The following SLIT3 variants were observed in gnomAD, a reference collection of about 807,000 sequenced individuals.
SLIT3 encodes slit homolog 3 protein.
In SLIT3, 68 loss-of-function variants were observed where a neutral mutation model predicts 184.0. That is an observed-to-expected ratio of 0.37 (90% CI 0.30 to 0.45). The LOEUF is 0.45. Among genes scored for constraint, SLIT3 ranks in the 20% least tolerant of loss-of-function variants. The probability of loss-of-function intolerance (pLI) is 1.00; values close to 1 mark genes in which losing one functional copy is unlikely to be tolerated. For missense variants in SLIT3, 1,707 were observed against 2,026.0 expected (o/e 0.84, Z 3.02); for synonymous variants, 831 against 828.6 (o/e 1.00, Z -0.05).
At chr5:168,744,767 T>G (rs1379765782) in intron 20 of SLIT3, among the ~76,000 whole-genome samples, 1 of 152,244 alleles carries the variant, frequency 6.6e-6, no homozygotes, top group Non-Finnish European at 1.5e-5. Context: ...AAAGATTTCT[T>G]TCAAAATATT....
intron 4 of SLIT3, among the ~76,000 whole-genome samples, chr5:169,021,753 A>G (rs58877131): frequency 0.16 from 24,189 of 152,224 alleles, 2,331 homozygotes; most frequent in East Asian, 0.5. Context: ...CTTTGCCTTA[A>G]GGACCAATTG....
chr5:169,082,727 T>C (rs7735612), intron 4 of SLIT3, among the ~76,000 whole-genome samples: 50,471 of 152,108 alleles, frequency 0.33, 9,206 homozygotes, highest in South Asian at 0.49. Flanking sequence ...AGTAGAAAAA[T>C]AGTAGATGAA....
intron 4 of SLIT3, among the ~76,000 whole-genome samples, chr5:168,942,161 A>C (rs2113209458): frequency 6.6e-6 from 1 of 152,336 alleles, no homozygotes; most frequent in East Asian, 1.9e-4. Flanking sequence ...GGCCAATGAG[A>C]ATAAGCTCCA....
intron 8 of SLIT3, among the ~76,000 whole-genome samples, chr5:168,812,277 G>A (rs929103819): frequency 6.6e-6 from 1 of 152,182 alleles, no homozygotes; most frequent in East Asian, 1.9e-4. Context: ...GTGAGTTGTG[G>A]TGTTCTAGTG....
chr5:169,007,856 C>T (rs895713293), intron 4 of SLIT3, among the ~76,000 whole-genome samples: 3 of 152,200 alleles, frequency 2.0e-5, no homozygotes, highest in Non-Finnish European at 4.4e-5. Flanking sequence ...AAAAAGTTAT[C>T]GCTAGATATT....
chr5:169,112,107 T>C (rs182411095), intron 4 of SLIT3, among the ~76,000 whole-genome samples: 10 of 152,336 alleles, frequency 6.6e-5, no homozygotes, highest in African/African-American at 2.4e-4. Flanking sequence ...ACGAACAGTA[T>C]TTTTGTGTCC....
chr5:169,037,782 C>T (rs1757307693), intron 4 of SLIT3: 1 of 152,254 alleles, frequency 6.6e-6, no homozygotes, highest in Admixed American at 6.5e-5. Context: ...CAAAACAAGT[C>T]CACCTGCTTA....
intron 6 of SLIT3, among the ~76,000 whole-genome samples, chr5:168,830,667 A>C (rs542352978): frequency 1.3e-5 from 2 of 152,204 alleles, no homozygotes; most frequent in Non-Finnish European, 2.9e-5. Flanking sequence ...TAATTCTCCC[A>C]ACACTCCTGA....
intron 15 of SLIT3, among the ~76,000 whole-genome samples, chr5:168,761,930 T>C (rs1755165726): frequency 6.7e-6 from 1 of 149,024 alleles, no homozygotes; most frequent in Admixed American, 6.7e-5. Flanking sequence ...AATTTTTTTT[T>C]TTTTTTTGTA....
chr5:168,752,871 C>G (rs1025042892), intron 18 of SLIT3, 84 bp downstream of exon 18: 37 of 1,362,486 alleles, frequency 2.7e-5, no homozygotes, highest in Non-Finnish European at 3.5e-5. Flanking sequence ...ATGAGCCTGG[C>G]TAGAGGTAGC....
chr5:168,945,766 CAT>C (rs1471582482), intron 4 of SLIT3, among the ~76,000 whole-genome samples: 6 of 152,208 alleles, frequency 3.9e-5, no homozygotes, highest in African/African-American at 1.4e-4. Flanking sequence ...AAAACGCATG[CAT>C]ATGTGGCTCT....
chr5:168,686,738 C>T (rs73322427), intron 30 of SLIT3, among the ~76,000 whole-genome samples: 6,743 of 152,338 alleles, frequency 0.044, 483 homozygotes, highest in African/African-American at 0.15. Flanking sequence ...CCAGCTTTCA[C>T]GTGGAGTTGC....
chr5:168,897,677 C>CACACACACACACACACACAT (rs1760727167), intron 4 of SLIT3, among the ~76,000 whole-genome samples: 2 of 121,368 alleles, frequency 1.6e-5, no homozygotes, highest in African/African-American at 5.6e-5. Flanking sequence ...CACACACACA[C>CACACACACACACACACACAT]AAAGGGACAT....
intron 14 of SLIT3, among the ~76,000 whole-genome samples, chr5:168,767,371 G>A (rs1014889083): frequency 5.3e-5 from 8 of 152,038 alleles, no homozygotes; most frequent in Admixed American, 5.2e-4. Flanking sequence ...GGTTACACTG[G>A]GTCTAGGATT....
intron 4 of SLIT3, among the ~76,000 whole-genome samples, chr5:169,072,167 ATGGTGG>A (rs1306094191): frequency 6.6e-6 from 1 of 152,160 alleles, no homozygotes; most frequent in African/African-American, 2.4e-5. Flanking sequence ...GTATGGGGGT[ATGGTGG>A]TGATGGTGGT....
chr5:168,911,095 C>T (rs1323495035), intron 4 of SLIT3, among the ~76,000 whole-genome samples: 1 of 152,148 alleles, frequency 6.6e-6, no homozygotes, highest in Non-Finnish European at 1.5e-5. Context: ...ATGCCAGCCT[C>T]CTCTCTCTGC....
intron 4 of SLIT3, among the ~76,000 whole-genome samples, chr5:169,129,151 T>C (rs1432682791): frequency 1.3e-5 from 2 of 152,150 alleles, no homozygotes; most frequent in African/African-American, 4.8e-5. Flanking sequence ...GTCACTCCAT[T>C]GTTTCCCTGT....
intron 8 of SLIT3, among the ~76,000 whole-genome samples, chr5:168,810,994 G>C (rs938828049): frequency 1.3e-5 from 2 of 152,086 alleles, no homozygotes; most frequent in Admixed American, 6.5e-5. Context: ...CATAACCAGG[G>C]ACCTGCCTCC....
chr5:168,823,340 A>T lies in SLIT3; in HGVS notation c.558-9T>A. On this transcript the variant is annotated splice_polypyrimidine_tract_variant and intron_variant, in intron 6 of 35. Transcript: ENST00000519560. ...TGTTGTTGTTGAGGGTACTGTGGAG[A>T]TAGACAAGGGAGATGGTCAGCCAGG... The T allele has an allele frequency of 6.2e-7, 1 of 1,610,816 alleles. No individual in the cohort carries two copies. Among genetic ancestry groups the T allele is most frequent in the Non-Finnish European group, 8.5e-7 (1 of 1,177,114 alleles).
Sources: gnomAD v4.1 joint callset for allele counts (sites outside exome capture counted in the v4.1 genomes callset) on GRCh38, gnomAD v4.1.1 for gene constraint, MANE v1.5 for transcripts, NCBI Gene and HGNC (gene_info 2026-07-23, HGNC 2026-07-21) for gene names.